PRDM1: variants seen among roughly 807,000 people sequenced by gnomAD.
PRDM1 encodes PR domain zinc finger protein 1.
A neutral mutation model predicts 62.8 loss-of-function variants in PRDM1; 13 were observed. That is an observed-to-expected ratio of 0.21 (90% CI 0.13 to 0.33). The LOEUF is 0.33. Among genes scored for constraint, PRDM1 ranks in the 10% least tolerant of loss-of-function variants. The pLI is 1.00. For missense variants in PRDM1, 895 were observed against 1,058.8 expected, an observed-to-expected ratio of 0.85 and a Z score of 2.15; for synonymous variants, 396 against 417.6, an observed-to-expected ratio of 0.95 and a Z score of 0.63.
intron 4 of PRDM1, 66 bp downstream of exon 4, chr6:106,099,618 A>G (rs755424372): frequency 1.1e-5 from 17 of 1,576,240 alleles, no homozygotes; most frequent in Non-Finnish European, 1.3e-5. Flanking sequence ...CTTTGAACTA[A>G]TAACATGTTG....
chr6:106,064,679 C>G (rs186423828), intron 1 of PRDM1, among the ~76,000 whole-genome samples: 2 of 152,290 alleles, frequency 1.3e-5, no homozygotes, highest in East Asian at 3.9e-4. Flanking sequence ...GTTTCCAGAG[C>G]TGGTTCTCCT....
chr6:106,014,058 ATTTTTTTTT>A (rs71006664), intron 1 of PRDM1, among the ~76,000 whole-genome samples: 1 of 105,102 alleles, frequency 9.5e-6, no homozygotes, highest in Non-Finnish European at 1.8e-5. Flanking sequence ...AGGACAAGGA[ATTTTTTTTT>A]TTTTTTTTTT....
At chr6:106,077,900 TGAG>T (rs938914701) in intron 1 of PRDM1, among the ~76,000 whole-genome samples, 3 of 152,228 alleles carry the variant, frequency 2.0e-5, no homozygotes, top group Admixed American at 2.0e-4. Flanking sequence ...GTCCCTTGTC[TGAG>T]GAGGAGAAGG....
chr6:105,999,641 T>C (rs1772404412), intron 1 of PRDM1, among the ~76,000 whole-genome samples: 1 of 152,152 alleles, frequency 6.6e-6, no homozygotes, highest in Non-Finnish European at 1.5e-5. Context: ...TTGCACTGGC[T>C]CAGGACCATG....
At chr6:106,014,654 A>T (rs1772597424) in intron 1 of PRDM1, among the ~76,000 whole-genome samples, 1 of 150,220 alleles carries the variant, frequency 6.7e-6, no homozygotes, top group Admixed American at 6.7e-5. Flanking sequence ...AATCTATAAT[A>T]TTAAATTAAA....
At chr6:106,100,815 A>C (rs553101272) in intron 4 of PRDM1, among the ~76,000 whole-genome samples, 70 of 152,270 alleles carry the variant, frequency 4.6e-4, no homozygotes, top group African/African-American at 1.5e-3. Context: ...GGGTCCTTAC[A>C]CAACAGGTTA....
intron 1 of PRDM1, among the ~76,000 whole-genome samples, chr6:106,027,908 A>G (rs1305315204): frequency 1.3e-5 from 2 of 152,194 alleles, no homozygotes; most frequent in Non-Finnish European, 2.9e-5. Context: ...AGCTCATTAC[A>G]CATGATCCCC....
rs1774489968 is a variant in PRDM1 at position 106,106,363 on chromosome 6, C to T, written c.1774-8C>T. On this transcript the variant is annotated splice_polypyrimidine_tract_variant and splice_region_variant and intron_variant, in intron 5 of 6. Coordinates refer to ENST00000369096, the MANE Select transcript of PRDM1 (RefSeq NM_001198.4). The surrounding 1 kb of genome is among the most constrained non-coding windows in gnomAD (Gnocchi z 4.4). ...AGAGCAGAGCTAACACATGTGGCTT[C>T]TTCCCAGGTCCACCTGAGAGTGCAC... The T allele has an allele frequency of 6.2e-7, 1 of 1,614,060 alleles. No individual in the cohort carries two copies. The highest frequency in any genetic ancestry group is 8.5e-7 in the Non-Finnish European group (1 of 1,179,966).
chr6:106,027,161 T>TC (rs767645312), intron 1 of PRDM1, among the ~76,000 whole-genome samples: 22 of 152,240 alleles, frequency 1.4e-4, no homozygotes, highest in African/African-American at 5.1e-4. Context: ...AGTTTATTCC[T>TC]ACTTTGTTTA....
chr6:106,000,787 T>C (rs950069427), intron 1 of PRDM1, among the ~76,000 whole-genome samples: 4 of 152,232 alleles, frequency 2.6e-5, no homozygotes, highest in Non-Finnish European at 4.4e-5. Flanking sequence ...GGACATGCCA[T>C]TATTAATTTA....
At chr6:106,044,342 C>G (rs1773043977), upstream of PRDM1, among the ~76,000 whole-genome samples, 1 of 152,014 alleles carries the variant, frequency 6.6e-6, no homozygotes, top group Admixed American at 6.6e-5. Flanking sequence ...AAATGGAATA[C>G]TAGGTAAATT....
chr6:106,063,187 G>A (rs537540168), intron 1 of PRDM1, among the ~76,000 whole-genome samples: 2 of 152,242 alleles, frequency 1.3e-5, no homozygotes, highest in African/African-American at 2.4e-5. Flanking sequence ...GAAAGACCAG[G>A]GGAAATAATG....
At chr6:106,004,661 T>G (rs908834324) in intron 1 of PRDM1, among the ~76,000 whole-genome samples, 12 of 152,202 alleles carry the variant, frequency 7.9e-5, no homozygotes, top group Admixed American at 7.2e-4. Flanking sequence ...TGGATTAATT[T>G]TTTTTGAGGC....
upstream of PRDM1, among the ~76,000 whole-genome samples, chr6:106,084,807 A>G (rs978580681): frequency 1.3e-5 from 2 of 152,126 alleles, no homozygotes; most frequent in African/African-American, 4.8e-5. Flanking sequence ...GCCTTCTAAA[A>G]GTCCTGCTTC....
chr6:106,089,475 G>A (rs922437091), intron 2 of PRDM1, among the ~76,000 whole-genome samples: 3 of 152,134 alleles, frequency 2.0e-5, no homozygotes, highest in African/African-American at 4.8e-5. Flanking sequence ...GAAGGAATCC[G>A]GGAGACTAGG....
intron 1 of PRDM1, among the ~76,000 whole-genome samples, chr6:106,031,170 A>G (rs1323295535): frequency 3.3e-5 from 5 of 152,226 alleles, no homozygotes; most frequent in African/African-American, 1.2e-4. Flanking sequence ...TTTAGAATAT[A>G]TATTGAACAA....
chr6:106,064,979 C>T (rs1408207356), intron 1 of PRDM1, among the ~76,000 whole-genome samples: 1 of 152,104 alleles, frequency 6.6e-6, no homozygotes, highest in East Asian at 1.9e-4. Context: ...CCTCTGCCAG[C>T]CACACTGGTT....
chr6:106,041,259 T>C (rs1164836384), intron 1 of PRDM1, among the ~76,000 whole-genome samples: 1 of 152,182 alleles, frequency 6.6e-6, no homozygotes, highest in East Asian at 1.9e-4. Flanking sequence ...ACATAAAATA[T>C]CTCCCAGGCC....
intron 1 of PRDM1, among the ~76,000 whole-genome samples, chr6:106,007,286 C>T (rs1036519508): frequency 3.3e-5 from 5 of 151,702 alleles, no homozygotes; most frequent in South Asian, 2.1e-4. Context: ...AAAAATTAGC[C>T]GGGTATGATG....
Sources: gnomAD v4.1 joint callset for allele counts (sites outside exome capture counted in the v4.1 genomes callset) on GRCh38, gnomAD v4.1.1 for gene constraint, Gnocchi (gnomAD v3.1) non-coding constraint, MANE v1.5 for transcripts, NCBI Gene and HGNC (gene_info 2026-07-23, HGNC 2026-07-21) for gene names.